Variants in UBE2J2 observed in about 807,000 individuals in gnomAD.
UBE2J2 encodes the protein ubiquitin-conjugating enzyme E2 J2.
UBE2J2 carries 5 observed loss-of-function variants against 28.6 expected under a neutral mutation model. The ratio of observed to expected loss-of-function variants is 0.17; its 90% CI spans 0.09 to 0.37. UBE2J2 has a LOEUF of 0.37. Ranked by LOEUF, UBE2J2 falls within the 10% of genes least tolerant of loss-of-function variation. UBE2J2 has a pLI of 1.00. For missense variants in UBE2J2, 226 were observed against 338.9 expected, an observed-to-expected ratio of 0.67 and a Z score of 2.62; for synonymous variants, 138 against 139.7, an observed-to-expected ratio of 0.99 and a Z score of 0.09.
At position 1,267,854 on chromosome 1, in the gene UBE2J2, A is replaced by G. The variant is rs750987817; in HGVS notation, c.131+8T>C. 5.6e-6 allele frequency: 9 copies of G among 1,613,614 alleles called. No homozygotes were observed. In the East Asian group the frequency reaches 2.0e-4, roughly 36 times the overall value. ...CAGCGCAGGGCGATCAGTGGCGCGG[A>G]GCCTTACCACTCGAGAATATTCGAA... On this transcript the variant is annotated splice_region_variant and intron_variant, in intron 2 of 6. Coordinates refer to ENST00000349431, the MANE Select transcript of UBE2J2 (RefSeq NM_058167.3).
In UBE2J2 at chr1:1,255,161, C is replaced by T. The variant is rs1202312283; in HGVS notation, c.*42G>A. On this transcript the variant is annotated 3_prime_UTR_variant, in exon 7 of 7. Transcript: ENST00000349431. ...AGCCTGCCGAGGTCACGCTCTGGTG[C>T]GCGGTGCCCTCAGTGGCGCCTTGGG... 8 of 1,537,934 alleles carry T rather than the reference C, an allele frequency of 5.2e-6. No individual in the cohort carries two copies. Among genetic ancestry groups the T allele is most frequent in the Admixed American group, 1.9e-5 (1 of 52,612 alleles).
chr1:1,255,157 G>A lies in UBE2J2; in HGVS notation c.*46C>T. On this transcript the variant is annotated 3_prime_UTR_variant, in exon 7 of 7. Coordinates refer to ENST00000349431, the MANE Select transcript of UBE2J2 (RefSeq NM_058167.3). ...GTCCAGCCTGCCGAGGTCACGCTCT[G>A]GTGCGCGGTGCCCTCAGTGGCGCCT... 6.5e-7 allele frequency: 1 copy of A among 1,533,196 alleles called. No individual in the cohort carries two copies. Among genetic ancestry groups the A allele is most frequent in the African/African-American group, 1.4e-5 (1 of 73,122 alleles). The allele number at this position is 1,533,196 out of a possible 1,614,324, so 95.0% of individuals were successfully genotyped here.
At chr1:1,269,258 CA>C (rs1339208338) in intron 1 of UBE2J2, among the ~76,000 whole-genome samples, 2 of 140,844 alleles carry the variant, frequency 1.4e-5, no homozygotes, top group Admixed American at 7.1e-5. Flanking sequence ...TGGTGATCAT[CA>C]TGCAAGAGAG....
At chr1:1,255,714 G>A (rs1639135761) in intron 6 of UBE2J2, among the ~76,000 whole-genome samples, 1 of 152,224 alleles carries the variant, frequency 6.6e-6, no homozygotes, top group South Asian at 2.1e-4. Context: ...AGCCACAGAG[G>A]CCAAGACCAG....
intron 2 of UBE2J2, chr1:1,267,654 T>C (rs923062308): frequency 1.4e-5 from 18 of 1,283,760 alleles, no homozygotes; most frequent in African/African-American, 3.0e-5. Flanking sequence ...GAGTCAAGCA[T>C]GGCTCTGTGA....
At chr1:1,261,756 C>G (rs112021272) in intron 3 of UBE2J2, among the ~76,000 whole-genome samples, 300 of 151,242 alleles carry the variant, frequency 2.0e-3, no homozygotes, top group African/African-American at 7.0e-3. Context: ...AAGCGATTCT[C>G]CTGCCTCAGC....
At chr1:1,261,278 T>C (rs981176154) in intron 3 of UBE2J2, among the ~76,000 whole-genome samples, 5 of 152,124 alleles carry the variant, frequency 3.3e-5, no homozygotes, top group African/African-American at 1.2e-4. Context: ...GGAGGGGCAG[T>C]AGGAACACAC....
At position 1,253,928 on chromosome 1, in the gene UBE2J2, T is replaced by C. The variant is rs758077240; in HGVS notation, c.*1275A>G. ...AGCATGAAATTCAGAAATAAAGATATAATGAAAGACCTTTTTTTTCCACAA... is the reference window on the plus strand; with the variant it reads ...AGCATGAAATTCAGAAATAAAGATACAATGAAAGACCTTTTTTTTCCACAA... On this transcript the variant is annotated 3_prime_UTR_variant, in exon 7 of 7. Coordinates refer to ENST00000349431, the MANE Select transcript of UBE2J2 (RefSeq NM_058167.3). 1 of 152,134 alleles carries C rather than the reference T, an allele frequency of 6.6e-6. No homozygotes were observed. The highest frequency in any genetic ancestry group is 2.4e-5 in the African/African-American group (1 of 41,434). The allele number at this position is 152,134 out of a possible 1,614,324, so 9.4% of individuals were successfully genotyped here.
At position 1,255,495 on chromosome 1, in the gene UBE2J2, A is replaced by G; in HGVS notation, c.496-8T>C. ...CTGTTTTTGTTTAATCTCCTAAGAG[A>G]AAAACAGCGAGAAAAGCAGCTGGTC... is the stretch of plus-strand genomic sequence containing the variant. On this transcript the variant is annotated splice_polypyrimidine_tract_variant and splice_region_variant and intron_variant, in intron 6 of 6. Transcript: ENST00000349431. 1 of 1,600,546 alleles carries G rather than the reference A, an allele frequency of 6.2e-7. No individual in the cohort carries two copies. Among genetic ancestry groups the G allele is most frequent in the Non-Finnish European group, 8.5e-7 (1 of 1,170,302 alleles).
intron 3 of UBE2J2, among the ~76,000 whole-genome samples, chr1:1,261,652 T>A (rs1016087221): frequency 7.6e-6 from 1 of 131,198 alleles, no homozygotes; most frequent in South Asian, 2.5e-4. Flanking sequence ...CCCATTTTGG[T>A]TTTTTTTTTT....
At chr1:1,255,568 C>G (rs545481970) in intron 6 of UBE2J2, 81 bp from the exon 7 acceptor site, 18 of 1,458,298 alleles carry the variant, frequency 1.2e-5, no homozygotes, top group Admixed American at 2.0e-5. Flanking sequence ...CAGGAGTCCA[C>G]GGTCCACCAC....
chr1:1,265,648 T>G (rs1005790217), intron 2 of UBE2J2, among the ~76,000 whole-genome samples: 7 of 147,106 alleles, frequency 4.8e-5, no homozygotes, highest in Non-Finnish European at 9.0e-5. Flanking sequence ...TGTGTGTGTG[T>G]GGTGGAGTCT....
intron 6 of UBE2J2, 131 bp downstream of exon 6, chr1:1,255,914 G>A (rs1364156104): frequency 1.4e-6 from 1 of 730,350 alleles, no homozygotes; most frequent in South Asian, 1.7e-5. Context: ...CTGCCTCGGG[G>A]CTCCTGGGGG....
chr1:1,260,046 C>T (rs1639465382), intron 3 of UBE2J2, among the ~76,000 whole-genome samples: 1 of 152,176 alleles, frequency 6.6e-6, no homozygotes, highest in Non-Finnish European at 1.5e-5. Flanking sequence ...CCCCTGAAGA[C>T]ACACATGGCC....
Position 1,268,206 on chromosome 1 carries a change from A to G in UBE2J2, c.1-214T>C, listed in dbSNP as rs1273659468. On this transcript the variant is annotated intron_variant, in intron 1 of 6. Coordinates refer to ENST00000349431, the MANE Select transcript of UBE2J2 (RefSeq NM_058167.3). This position sits in a 1 kb window ranked among gnomAD's most constrained non-coding sequence, Gnocchi z 4.7. The stretch of plus-strand genomic sequence containing the variant: ...TCCCGTCTGTCCCGCCACCACCTTC[A>G]TTGACACGACGTACAGCTCAGGTAC... Among the ~76,000 whole-genome samples the G allele has an allele frequency of 6.6e-6, 1 of 151,976 alleles. No homozygotes were observed. Among genetic ancestry groups the G allele is most frequent in the East Asian group, 1.9e-4 (1 of 5,164 alleles).
chr1:1,255,105 G>A lies in UBE2J2; in HGVS notation c.*98C>T. ...TTTTAAAAGCTAAACCTAGGAGCCT[G>A]GTGGGTCTGCCTGTGCTGGGCAGTG... On this transcript the variant is annotated 3_prime_UTR_variant, in exon 7 of 7. Transcript: ENST00000349431. 1.5e-6 allele frequency: 2 copies of A among 1,318,168 alleles called. No homozygotes were observed. Among genetic ancestry groups the A allele is most frequent in the Non-Finnish European group, 1.0e-6 (1 of 976,902 alleles). 81.7% of individuals were successfully genotyped at this position (1,318,168 alleles called of 1,614,324 possible).
chr1:1,257,409 T>A, intron 3 of UBE2J2, 99 bp from the exon 4 acceptor site: 2 of 427,900 alleles, frequency 4.7e-6, no homozygotes, highest in South Asian at 2.2e-5. Context: ...CCCCCCCCCC[T>A]CAGCTCGGCT....
At chr1:1,263,640 C>T (rs897903949) in intron 2 of UBE2J2, 7 of 383,118 alleles carry the variant, frequency 1.8e-5, no homozygotes, top group East Asian at 1.3e-4. Flanking sequence ...ACCTTTGTTT[C>T]GACAATATAA....
At position 1,254,956 on chromosome 1, in the gene UBE2J2, T is replaced by C. The variant is rs1329704104; in HGVS notation, c.*247A>G. On this transcript the variant is annotated 3_prime_UTR_variant, in exon 7 of 7. Transcript: ENST00000349431. ...TCCAAAGACAACACGGAAGATAAGC[T>C]ACAAATCCAGCACACAAGGCCCACC... 3.8e-5 allele frequency: 17 copies of C among 445,120 alleles called. No individual in the cohort carries two copies. The highest frequency in any genetic ancestry group is 6.8e-5 in the Non-Finnish European group (17 of 251,744). The allele number at this position is 445,120 out of a possible 1,614,324, so 27.6% of individuals were successfully genotyped here. A position where few individuals can be genotyped will look rare whatever the true frequency, so the allele number is the denominator to read the frequency against.
Sources: gnomAD v4.1 joint callset for allele counts (sites outside exome capture counted in the v4.1 genomes callset) on GRCh38, gnomAD v4.1.1 for gene constraint, Gnocchi (gnomAD v3.1) non-coding constraint, MANE v1.5 for transcripts, NCBI Gene and HGNC (gene_info 2026-07-23, HGNC 2026-07-21) for gene names.